The following NTM variants were observed in gnomAD, a reference collection of about 807,000 sequenced individuals.
NTM encodes IgLON family member 2.
Under a neutral mutation model 42.1 loss-of-function variants are expected in NTM, and 13 were observed. The ratio of observed to expected loss-of-function variants is 0.31; its 90% CI spans 0.20 to 0.49. The LOEUF (loss-of-function observed/expected upper bound fraction) is 0.49, where lower values mean the gene tolerates loss of function less well. Ranked by LOEUF, NTM falls within the 20% of genes least tolerant of loss-of-function variation. The pLI is 0.99. For synonymous variants in NTM, 187 were observed against 179.2 expected (o/e 1.04, Z -0.35); for missense variants, 373 against 452.8 (o/e 0.82, Z 1.60).
intron 4 of NTM, among the ~76,000 whole-genome samples, chr11:132,280,178 C>T (rs967525759): frequency 6.6e-6 from 1 of 152,152 alleles, no homozygotes; most frequent in East Asian, 1.9e-4. Context: ...CAGAGAAATC[C>T]TTCTGTACAT....
At chr11:131,785,300 A>T (rs1431122261) in intron 1 of NTM, among the ~76,000 whole-genome samples, 1 of 152,210 alleles carries the variant, frequency 6.6e-6, no homozygotes, top group African/African-American at 2.4e-5. Flanking sequence ...TGGTGAGGCC[A>T]GCGTCGGATC....
intron 1 of NTM, among the ~76,000 whole-genome samples, chr11:131,740,646 A>G (rs986616216): frequency 6.6e-6 from 1 of 151,900 alleles, no homozygotes; most frequent in Non-Finnish European, 1.5e-5. Context: ...CTGTCCTTCT[A>G]ATCCATGAGT....
At chr11:132,078,199 G>C (rs143218528) in intron 2 of NTM, among the ~76,000 whole-genome samples, 61 of 152,306 alleles carry the variant, frequency 4.0e-4, no homozygotes, top group African/African-American at 1.4e-3. Flanking sequence ...TCTCTGTTTA[G>C]CCTTGCCTAC....
rs377215170 is a variant in NTM, at chr11:131,680,387, C to CTG, written c.83-231166_83-231165dup. 8.2e-3 allele frequency among the ~76,000 whole-genome samples: 565 copies of CTG among 68,896 alleles called. 1 individual carries two copies. Among genetic ancestry groups the CTG allele is most frequent in the African/African-American group, 0.024 (487 of 20,630 alleles). The allele number at this position is 68,896 out of a possible 152,430, so 45.2% of individuals were successfully genotyped here. On this transcript the variant is annotated intron_variant, in intron 1 of 8. Coordinates refer to ENST00000683400, the MANE Select transcript of NTM (RefSeq NM_001352005.2). ...TGTGTGTTTCTGTGTCTGTGAGTGC[C>CTG]TGTGTGTGTGTGCGTCTGTGTAGGC...
chr11:132,217,976 G>T (rs1250315435), intron 4 of NTM, among the ~76,000 whole-genome samples: 1 of 152,090 alleles, frequency 6.6e-6, no homozygotes, highest in Non-Finnish European at 1.5e-5. Context: ...GGCACTAGAG[G>T]TATCACAGCT....
At chr11:131,523,898 G>C (rs1481322242) in intron 1 of NTM, among the ~76,000 whole-genome samples, 1 of 152,124 alleles carries the variant, frequency 6.6e-6, no homozygotes, top group African/African-American at 2.4e-5. Flanking sequence ...GAGAAATGGG[G>C]TGGGTGGGGA....
At chr11:132,161,697 T>G (rs1274236506) in intron 3 of NTM, among the ~76,000 whole-genome samples, 1 of 152,022 alleles carries the variant, frequency 6.6e-6, no homozygotes, top group Non-Finnish European at 1.5e-5. Flanking sequence ...TTTCACCCAG[T>G]GTCCGCTTTC....
intron 3 of NTM, among the ~76,000 whole-genome samples, chr11:132,190,408 A>G (rs2079111732): frequency 6.6e-6 from 1 of 152,174 alleles, no homozygotes; most frequent in African/African-American, 2.4e-5. Context: ...GAAAGAAACT[A>G]TAAAGGCCTG....
intron 1 of NTM, among the ~76,000 whole-genome samples, chr11:131,827,947 A>G (rs544153157): frequency 6.8e-4 from 104 of 152,248 alleles, no homozygotes; most frequent in African/African-American, 2.4e-3. Context: ...TACTGGATTA[A>G]ATTTTTCTCA....
chr11:131,464,225 T>C (rs149462933), intron 1 of NTM, among the ~76,000 whole-genome samples: 38 of 152,100 alleles, frequency 2.5e-4, no homozygotes, highest in African/African-American at 8.9e-4. Context: ...CCAAGCACCA[T>C]ATGGAAACTT....
chr11:131,790,822 G>A (rs527264472), intron 1 of NTM, among the ~76,000 whole-genome samples: 1 of 152,280 alleles, frequency 6.6e-6, no homozygotes, highest in South Asian at 2.1e-4. Flanking sequence ...AGATGTGTGA[G>A]TCAAGAGGCA....
At chr11:132,178,928 A>C (rs1471436181) in intron 3 of NTM, among the ~76,000 whole-genome samples, 4 of 152,160 alleles carry the variant, frequency 2.6e-5, no homozygotes. Flanking sequence ...GCAAAGAAAA[A>C]CTTGGGCGTT....
In NTM at chr11:131,747,748, G is replaced by C. The variant is rs75463951; in HGVS notation, c.83-163816G>C. On this transcript the variant is annotated intron_variant, in intron 1 of 8. Transcript: ENST00000683400. ...GTCCTGCCTCTCACTGGAACTGCCAGCAACAGCAAGGGAATTTCCTGAAAG... is the reference window on the plus strand; with the variant it reads ...GTCCTGCCTCTCACTGGAACTGCCACCAACAGCAAGGGAATTTCCTGAAAG... 5.3e-3 allele frequency among the ~76,000 whole-genome samples: 806 copies of C among 152,262 alleles called. 7 individuals are homozygous for C. The highest frequency in any genetic ancestry group is 0.018 in the African/African-American group (766 of 41,550).
At chr11:131,502,135 G>A (rs553722676) in intron 1 of NTM, among the ~76,000 whole-genome samples, 64 of 152,206 alleles carry the variant, frequency 4.2e-4, no homozygotes, top group African/African-American at 1.3e-3. Flanking sequence ...CCCAATGTCT[G>A]TGTCCCCTCA....
At chr11:132,041,601 A>G (rs2077212603) in intron 2 of NTM, among the ~76,000 whole-genome samples, 1 of 152,240 alleles carries the variant, frequency 6.6e-6, no homozygotes, top group African/African-American at 2.4e-5. Flanking sequence ...ATGAACGTGC[A>G]ATCATTAGCA....
chr11:131,873,963 ATATATAT>A (rs528176814), intron 1 of NTM, among the ~76,000 whole-genome samples: 6,955 of 117,148 alleles, frequency 0.059, 574 homozygotes, highest in African/African-American at 0.16. Flanking sequence ...CAGCTTTTAT[ATATATAT>A]TATATATTAT....
At chr11:131,699,318 G>A (rs1234103404) in intron 1 of NTM, among the ~76,000 whole-genome samples, 1 of 152,136 alleles carries the variant, frequency 6.6e-6, no homozygotes, top group Non-Finnish European at 1.5e-5. Flanking sequence ...ACTGTGCCAG[G>A]TCCTAGGACT....
At chr11:131,473,889 C>T (rs186284268) in intron 1 of NTM, among the ~76,000 whole-genome samples, 23 of 152,284 alleles carry the variant, frequency 1.5e-4, no homozygotes, top group African/African-American at 5.5e-4. Context: ...TTCCTTTTGA[C>T]TACCTTTTCT....
intron 2 of NTM, among the ~76,000 whole-genome samples, chr11:132,028,018 T>C (rs1162140820): frequency 6.6e-6 from 1 of 152,094 alleles, no homozygotes; most frequent in East Asian, 1.9e-4. Flanking sequence ...CATGGCATTC[T>C]TCATTTCTGT....
Sources: gnomAD v4.1 joint callset for allele counts (sites outside exome capture counted in the v4.1 genomes callset) on GRCh38, gnomAD v4.1.1 for gene constraint, MANE v1.5 for transcripts, NCBI Gene and HGNC (gene_info 2026-07-23, HGNC 2026-07-21) for gene names.